NRDE2: variants seen among roughly 807,000 people sequenced by gnomAD.
NRDE2 encodes the protein nuclear exosome regulator NRDE2.
Under a neutral mutation model 124.2 loss-of-function variants are expected in NRDE2, and 76 were observed. The ratio of observed to expected loss-of-function variants is 0.61; its 90% CI spans 0.51 to 0.74. The LOEUF (loss-of-function observed/expected upper bound fraction) is 0.74. Ranked by LOEUF, NRDE2 falls within the 30% of genes least tolerant of loss-of-function variation. The probability of loss-of-function intolerance (pLI) is 0.00; values close to 1 mark genes in which losing one functional copy is unlikely to be tolerated. For synonymous variants in NRDE2, 489 were observed against 528.1 expected (o/e 0.93, Z 1.01); for missense variants, 1,314 against 1,417.3 (o/e 0.93, Z 1.17).
chr14:90,296,742 T>C (rs1884173623), intron 8 of NRDE2, among the ~76,000 whole-genome samples: 1 of 152,082 alleles, frequency 6.6e-6, no homozygotes, highest in Non-Finnish European at 1.5e-5. Context: ...GATCTCTCTC[T>C]ATGCTGGAAC....
In NRDE2 at chr14:90,290,309, C is replaced by A. The variant is rs771864754; in HGVS notation, c.2141G>T (p.Arg714Leu). The A allele has an allele frequency of 1.2e-6, 2 of 1,613,970 alleles. No homozygotes were observed. The highest frequency in any genetic ancestry group is 1.7e-6 in the Non-Finnish European group (2 of 1,180,032). The change falls in exon 10 of 14, where the codon CGC becomes CTC. Residue 714 changes from arginine (R) to leucine (L), a missense_variant. Arg to Leu is a moderately radical substitution (Grantham distance 102, BLOSUM62 -2). Coordinates refer to ENST00000354366, the MANE Select transcript of NRDE2 (RefSeq NM_017970.4). ...GQNREGEEFI[R>L]NVFHLVMPLF... ...AGGCATGACAAGGTGGAAGACATTG[C>A]GGATGAACTCCTCGCCCTCTCGGTT...
intron 6 of NRDE2, chr14:90,301,866 C>A (rs1364984531): frequency 2.2e-6 from 1 of 455,336 alleles, no homozygotes; most frequent in African/African-American, 2.0e-5. Context: ...GGTACAATTC[C>A]AGCTACTAAA....
chr14:90,324,606 G>A lies in NRDE2; in HGVS notation c.65-6493C>T, dbSNP rs369817727. Among the ~76,000 whole-genome samples, 6 of 150,734 alleles carry A rather than the reference G, an allele frequency of 4.0e-5. No homozygotes were observed. In the East Asian group the frequency reaches 7.9e-4, roughly 20 times the overall value. ...GAGGAGAATCGTTTGAGCCCTGGAG[G>A]CAGAGGTTGCAGTGAGTGGAGACGC... On this transcript the variant is annotated intron_variant, in intron 1 of 13. Coordinates refer to ENST00000354366, the MANE Select transcript of NRDE2 (RefSeq NM_017970.4).
chr14:90,293,221 C>T (rs188961629), intron 8 of NRDE2, among the ~76,000 whole-genome samples: 39 of 151,424 alleles, frequency 2.6e-4, no homozygotes, highest in Admixed American at 2.3e-3. Flanking sequence ...TCACTGGGCA[C>T]TTGAGATGTA....
At position 90,272,215 on chromosome 14, in the gene NRDE2, TCC is replaced by T; in HGVS notation, c.*6119_*6120del. On this transcript the variant is annotated 3_prime_UTR_variant, in exon 14 of 14. Transcript: ENST00000354366. This position sits in a 1 kb window ranked among gnomAD's most constrained non-coding sequence, Gnocchi z 4.5. ...GGCCTCAGAATAGGTTTTTTGGAATTCCTTGTTAGAATAAAAATGAGTATGTC... is the reference window on the plus strand; with the variant it reads ...GGCCTCAGAATAGGTTTTTTGGAATTTTGTTAGAATAAAAATGAGTATGTC... 6.3e-7 allele frequency: 1 copy of T among 1,586,522 alleles called. No homozygotes were observed. The highest frequency in any genetic ancestry group is 8.5e-7 in the Non-Finnish European group (1 of 1,170,210).
At chr14:90,309,363 T>G (rs906291619) in intron 4 of NRDE2, among the ~76,000 whole-genome samples, 1 of 151,072 alleles carries the variant, frequency 6.6e-6, no homozygotes, top group Admixed American at 6.6e-5. Context: ...GTCCCAGCTA[T>G]TTAGGAGACT....
intron 10 of NRDE2, among the ~76,000 whole-genome samples, chr14:90,289,723 G>A (rs1445302776): frequency 6.6e-6 from 1 of 152,200 alleles, no homozygotes; most frequent in South Asian, 2.1e-4. Flanking sequence ...GGGCAGCTGG[G>A]ATTACAGGCA....
intron 4 of NRDE2, among the ~76,000 whole-genome samples, chr14:90,311,483 T>C (rs1884836134): frequency 6.6e-6 from 1 of 152,178 alleles, no homozygotes; most frequent in African/African-American, 2.4e-5. Context: ...CTGATGGTTT[T>C]ATAAAGGGCA....
chr14:90,269,951 A>G lies in NRDE2; in HGVS notation c.*8385T>C, dbSNP rs1891619069. ...ATAGGTCTGCCCAGTTTCACTCAGG[A>G]ATTGCTCCTTTCATTTATTTCTGAA... On this transcript the variant is annotated 3_prime_UTR_variant, in exon 14 of 14. Transcript: ENST00000354366. 2.1e-6 allele frequency: 1 copy of G among 479,468 alleles called. No individual in the cohort carries two copies. 29.7% of individuals were successfully genotyped at this position (479,468 alleles called of 1,614,324 possible).
intron 1 of NRDE2, among the ~76,000 whole-genome samples, chr14:90,325,038 CTA>C (rs1320292610): frequency 6.6e-6 from 1 of 151,704 alleles, no homozygotes; most frequent in Non-Finnish European, 1.5e-5. Context: ...GGTAGTGAGA[CTA>C]TGAAGAAACT....
chr14:90,312,304 GA>G (rs1884871228), intron 4 of NRDE2, 89 bp downstream of exon 4: 1 of 1,245,328 alleles, frequency 8.0e-7, no homozygotes, highest in African/African-American at 1.5e-5. Context: ...ATGAAAGAGA[GA>G]AACAGGCAGG....
chr14:90,325,010 C>T lies in NRDE2; in HGVS notation c.64+6831G>A, dbSNP rs529286473. On this transcript the variant is annotated intron_variant, in intron 1 of 13. Coordinates refer to ENST00000354366, the MANE Select transcript of NRDE2 (RefSeq NM_017970.4). ...GTTGTAGTAATCTAGGAGACGATGA[C>T]GGCAAAAGTTAGGTAATGGTAGTGA... 4.0e-4 allele frequency among the ~76,000 whole-genome samples: 60 copies of T among 151,848 alleles called. No homozygotes were observed. In the East Asian group the frequency reaches 4.1e-3, roughly 10 times the overall value.
In NRDE2 at chr14:90,267,908, C is replaced by T; in HGVS notation, c.*10428G>A. On this transcript the variant is annotated 3_prime_UTR_variant, in exon 14 of 14. Coordinates refer to ENST00000354366, the MANE Select transcript of NRDE2 (RefSeq NM_017970.4). The stretch of plus-strand genomic sequence containing the variant: ...TACTGGAATGAAGCAATTCTTCGTA[C>T]AGGTAATTATAGTTCGCAGCTTTTC... 4.2e-6 allele frequency: 1 copy of T among 237,356 alleles called. No homozygotes were observed. Among genetic ancestry groups the T allele is most frequent in the Admixed American group, 5.2e-5 (1 of 19,196 alleles). 14.7% of individuals were successfully genotyped at this position (237,356 alleles called of 1,614,324 possible).
intron 1 of NRDE2, among the ~76,000 whole-genome samples, chr14:90,322,682 T>C (rs1291213432): frequency 1.3e-5 from 2 of 152,188 alleles, no homozygotes; most frequent in Non-Finnish European, 2.9e-5. Flanking sequence ...GGGGGTATAG[T>C]GGGGAACAAG....
At chr14:90,298,236 C>A in intron 8 of NRDE2, 24 bp downstream of exon 8, 1 of 1,610,638 alleles carries the variant, frequency 6.2e-7, no homozygotes, top group Middle Eastern at 1.7e-4. Context: ...CAGAAGTACA[C>A]GTCTTCAATG....
At chr14:90,296,877 A>G (rs752369669) in intron 8 of NRDE2, among the ~76,000 whole-genome samples, 24 of 152,096 alleles carry the variant, frequency 1.6e-4, no homozygotes, top group Non-Finnish European at 3.1e-4. Context: ...GGTGGCTCAC[A>G]TCGGAAATCC....
At position 90,269,600 on chromosome 14, in the gene NRDE2, G is replaced by A. The variant is rs1427926569; in HGVS notation, c.*8736C>T. 6.4e-7 allele frequency: 1 copy of A among 1,570,756 alleles called. No individual in the cohort carries two copies. Among genetic ancestry groups the A allele is most frequent in the Non-Finnish European group, 8.7e-7 (1 of 1,151,200 alleles). ...GAGATTAATGTGTTTATATATTTGT[G>A]TTTAAGTGTGCTTTGGGAGGCCTAT... On this transcript the variant is annotated 3_prime_UTR_variant, in exon 14 of 14. Coordinates refer to ENST00000354366, the MANE Select transcript of NRDE2 (RefSeq NM_017970.4).
chr14:90,328,764 A>G (rs548607249), intron 1 of NRDE2, among the ~76,000 whole-genome samples: 1 of 152,382 alleles, frequency 6.6e-6, no homozygotes, highest in Non-Finnish European at 1.5e-5. Context: ...GTTAAGTGAC[A>G]CTATGAGGAT....
rs1267880297 is a variant in NRDE2, at chr14:90,292,902, T to A, written c.1667-30A>T. On this transcript the variant is annotated intron_variant, in intron 8 of 13. Coordinates refer to ENST00000354366, the MANE Select transcript of NRDE2 (RefSeq NM_017970.4). ...ACAAGAATGAGACTTCTTCACCTCA[T>A]CAGCAAATAAAACCACCATCGCCAC... 5 of 1,595,238 alleles carry A rather than the reference T, an allele frequency of 3.1e-6. No homozygotes were observed. In the African/African-American group the frequency reaches 6.7e-5, roughly 21 times the overall value.
Sources: gnomAD v4.1 joint callset for allele counts (sites outside exome capture counted in the v4.1 genomes callset) on GRCh38, gnomAD v4.1.1 for gene constraint, Gnocchi (gnomAD v3.1) non-coding constraint, MANE v1.5 for transcripts, NCBI Gene and HGNC (gene_info 2026-07-23, HGNC 2026-07-21) for gene names.